PAK3: variants seen among roughly 807,000 people sequenced by gnomAD.
PAK3 encodes the protein p21 (RAC1) activated kinase 3.
A neutral mutation model predicts 41.0 loss-of-function variants in PAK3; 4 were observed. That is an observed-to-expected ratio of 0.10 (90% CI 0.05 to 0.22). PAK3 has a LOEUF of 0.22. PAK3 is among the 10% of genes least tolerant of loss of function. The pLI, the probability that PAK3 is intolerant of heterozygous loss-of-function variation, is 1.00. For synonymous variants in PAK3, 146 were observed against 139.6 expected (o/e 1.05, Z -0.32); for missense variants, 205 against 409.9 (o/e 0.50, Z 4.32).
intron 1 of PAK3, among the ~76,000 whole-genome samples, chrX:111,024,323 G>T (rs1266313233): frequency 9.0e-6 from 1 of 111,506 alleles, no homozygotes; most frequent in African/African-American, 3.3e-5. Flanking sequence ...AAGTAAGGTA[G>T]AGTGATGCCT....
intron 1 of PAK3, among the ~76,000 whole-genome samples, chrX:110,985,582 C>T (rs2091527355): frequency 8.9e-6 from 1 of 112,215 alleles, no homozygotes; most frequent in African/African-American, 3.2e-5. Flanking sequence ...GCTTTGAGAT[C>T]CTCTGGTGAA....
At chrX:110,964,870 A>ACTGGCTGGCTTGCTGGCTGG (rs2091050379) in intron 1 of PAK3, among the ~76,000 whole-genome samples, 1 of 110,863 alleles carries the variant, frequency 9.0e-6, no homozygotes, top group Non-Finnish European at 1.9e-5. Flanking sequence ...TGACTGACTG[A>ACTGGCTGGCTTGCTGGCTGG]CTGGCTGGCT....
At position 111,160,514 on chromosome X, in the gene PAK3, G is replaced by A. The variant is rs748361471; in HGVS notation, c.469-2401G>A. Among the ~76,000 whole-genome samples, 30 of 108,240 alleles carry A rather than the reference G, an allele frequency of 2.8e-4. No individual in the cohort carries two copies. In the East Asian group the frequency reaches 8.7e-3, roughly 31 times the overall value. The allele number at this position is 108,240 out of a possible 115,157, so 94.0% of individuals were successfully genotyped here. On this transcript the variant is annotated intron_variant, in intron 8 of 17. Coordinates refer to ENST00000372007, the MANE Select transcript of PAK3 (RefSeq NM_002578.5). Reference sequence around the variant, plus strand: ...AAGTTTTAGGGTACATGTGCACAACGTGCAGGTTTGTTACATATGTATACA... The same window carrying A: ...AAGTTTTAGGGTACATGTGCACAACATGCAGGTTTGTTACATATGTATACA...
At chrX:111,065,316 C>CA (rs2092693284) in intron 1 of PAK3, among the ~76,000 whole-genome samples, 1 of 20,869 alleles carries the variant, frequency 4.8e-5, no homozygotes, top group South Asian at 0.028. Flanking sequence ...AAGATGATCA[C>CA]GTTTTTTTTT....
chrX:111,199,999 G>C (rs1454494619), intron 16 of PAK3, among the ~76,000 whole-genome samples: 2 of 111,158 alleles, frequency 1.8e-5, no homozygotes, highest in Non-Finnish European at 3.8e-5. Flanking sequence ...GCATCACATT[G>C]TTTAAAAAAG....
intron 1 of PAK3, among the ~76,000 whole-genome samples, chrX:111,029,554 A>C (rs1164674969): frequency 8.9e-6 from 1 of 111,957 alleles, no homozygotes; most frequent in Non-Finnish European, 1.9e-5. Flanking sequence ...AGTCATGAGG[A>C]AGAGAAAATA....
chrX:110,948,489 A>T (rs968550787), intron 1 of PAK3, among the ~76,000 whole-genome samples: 1 of 112,017 alleles, frequency 8.9e-6, no homozygotes, highest in East Asian at 2.8e-4. Flanking sequence ...TGGGAAGCTG[A>T]GGCCATCTTT....
chrX:110,987,990 A>G, intron 1 of PAK3, among the ~76,000 whole-genome samples: 1 of 112,553 alleles, frequency 8.9e-6, no homozygotes, highest in Non-Finnish European at 1.9e-5. Flanking sequence ...AATTTAAGTG[A>G]GATAATAAAT....
intron 11 of PAK3, among the ~76,000 whole-genome samples, chrX:111,177,781 C>T (rs1179135067): frequency 9.0e-6 from 1 of 111,664 alleles, no homozygotes; most frequent in East Asian, 2.8e-4. Flanking sequence ...AGCTATGTAA[C>T]AGAGGGCTGA....
At chrX:111,203,814 G>A (rs1158234321) in intron 16 of PAK3, among the ~76,000 whole-genome samples, 1 of 111,788 alleles carries the variant, frequency 8.9e-6, no homozygotes, top group Non-Finnish European at 1.9e-5. Context: ...GTGCTCATTT[G>A]GAATTAAAGT....
intron 6 of PAK3, chrX:111,146,594 A>G (rs773651926): frequency 9.4e-6 from 9 of 956,889 alleles, no homozygotes; most frequent in East Asian, 6.6e-5. Context: ...AGAAGCTTGC[A>G]TCAAAGTGCT....
intron 1 of PAK3, among the ~76,000 whole-genome samples, chrX:111,050,687 A>T (rs190449605): frequency 6.5e-4 from 73 of 111,828 alleles, no homozygotes; most frequent in African/African-American, 2.1e-3. Context: ...GCAATCTCAG[A>T]TTGTTATTCT....
intron 5 of PAK3, among the ~76,000 whole-genome samples, chrX:111,125,785 C>T (rs1420357946): frequency 9.0e-6 from 1 of 111,486 alleles, no homozygotes; most frequent in Admixed American, 9.5e-5. Flanking sequence ...TCCTATGAGA[C>T]TTTCTAAAAG....
intron 1 of PAK3, among the ~76,000 whole-genome samples, chrX:111,067,577 A>G (rs1412502023): frequency 8.9e-6 from 1 of 111,754 alleles, no homozygotes; most frequent in Non-Finnish European, 1.9e-5. Context: ...TTGGCTATGG[A>G]TTTTTAACAT....
chrX:111,012,764 C>T (rs752432274), intron 1 of PAK3, among the ~76,000 whole-genome samples: 1 of 111,945 alleles, frequency 8.9e-6, no homozygotes, highest in African/African-American at 3.2e-5. Flanking sequence ...GTTTTACAAA[C>T]TCTTAAGGTG....
In PAK3 at chrX:111,003,223, A is replaced by G. The variant is rs760794406; in HGVS notation, c.-28+58595A>G. ...AGCACAGTGTCACCTTCAAACACAC[A>G]TGATAGTCACAGATAGATACACAGA... On this transcript the variant is annotated intron_variant, in intron 1 of 14. Coordinates refer to the PAK3 transcript ENST00000425146. 3.4e-3 allele frequency among the ~76,000 whole-genome samples: 385 copies of G among 112,013 alleles called. 2 individuals are homozygous for G. The highest frequency in any genetic ancestry group is 0.012 in the African/African-American group (368 of 30,856).
At chrX:110,980,346 C>A (rs1472979075) in intron 1 of PAK3, among the ~76,000 whole-genome samples, 1 of 111,575 alleles carries the variant, frequency 9.0e-6, no homozygotes, top group African/African-American at 3.3e-5. Context: ...TAAAATTCTC[C>A]CTACCACAGT....
chrX:110,975,052 G>A (rs767045917), intron 1 of PAK3, among the ~76,000 whole-genome samples: 26 of 111,974 alleles, frequency 2.3e-4, no homozygotes, highest in Non-Finnish European at 3.0e-4. Context: ...ACTGGCACAA[G>A]GCAAGGATGC....
At chrX:111,127,559 A>G (rs2093664743) in intron 5 of PAK3, among the ~76,000 whole-genome samples, 1 of 111,566 alleles carries the variant, frequency 9.0e-6, no homozygotes, top group Non-Finnish European at 1.9e-5. Flanking sequence ...GTTTGCCACC[A>G]TTTTATGATA....
Sources: allele counts gnomAD v4.1 joint callset (sites outside exome capture counted in the v4.1 genomes callset), GRCh38; gene constraint gnomAD v4.1.1; transcripts MANE v1.5; gene names NCBI Gene and HGNC (gene_info 2026-07-23, HGNC 2026-07-21).